Variants in DENND4A observed in about 807,000 individuals in gnomAD.
The protein encoded by DENND4A is C-myc promoter-binding protein.
DENND4A carries 70 observed loss-of-function variants against 199.3 expected under a neutral mutation model. That is an observed-to-expected ratio of 0.35 (90% confidence interval 0.29 to 0.43). The LOEUF is 0.43. DENND4A is among the 20% of genes least tolerant of loss of function. DENND4A has a pLI of 1.00. For synonymous variants in DENND4A, 686 were observed against 766.9 expected (o/e 0.89, Z 1.74); for missense variants, 1,723 against 2,255.8 (o/e 0.76, Z 4.78).
chr15:65,722,796 G>T, intron 12 of DENND4A, 52 bp downstream of exon 12: 1 of 1,316,106 alleles, frequency 7.6e-7, no homozygotes, highest in Non-Finnish European at 1.0e-6. Context: ...CAAAGTAATT[G>T]GAGTCCCTTT....
intron 5 of DENND4A, among the ~76,000 whole-genome samples, chr15:65,740,870 G>C (rs1210478861): frequency 6.6e-6 from 1 of 151,974 alleles, no homozygotes; most frequent in African/African-American, 2.4e-5. Context: ...ACTGAGGCAA[G>C]AGGATACCTT....
chr15:65,758,786 C>T (rs1295864941), intron 2 of DENND4A, among the ~76,000 whole-genome samples: 4 of 152,252 alleles, frequency 2.6e-5, no homozygotes, highest in South Asian at 2.1e-4. Flanking sequence ...GGTATACACA[C>T]TATAGGTCTC....
intron 12 of DENND4A, among the ~76,000 whole-genome samples, chr15:65,720,961 A>ATATATATATATATATATATATATATG (rs1567043927): frequency 1.6e-5 from 1 of 61,728 alleles, no homozygotes; most frequent in African/African-American, 5.4e-5. Context: ...ATATATATAT[A>ATATATATATATATATATATATATATG]TATATATATA....
At chr15:65,685,843 A>G (rs1338992062) in intron 23 of DENND4A, among the ~76,000 whole-genome samples, 2 of 152,366 alleles carry the variant, frequency 1.3e-5, no homozygotes, top group Admixed American at 6.5e-5. Context: ...AACCATAAAC[A>G]TAAGAGTTTA....
chr15:65,667,167 T>C (rs1184964959), intron 29 of DENND4A, among the ~76,000 whole-genome samples: 1 of 151,908 alleles, frequency 6.6e-6, no homozygotes, highest in Non-Finnish European at 1.5e-5. Flanking sequence ...CCGTCTCTAC[T>C]AAAAATACAA....
intron 12 of DENND4A, among the ~76,000 whole-genome samples, chr15:65,721,380 T>C (rs535303210): frequency 1.3e-5 from 2 of 152,222 alleles, no homozygotes; most frequent in East Asian, 3.9e-4. Context: ...AACTACACTA[T>C]ACACTATGAT....
At chr15:65,786,163 T>C (rs376237251) in intron 1 of DENND4A, among the ~76,000 whole-genome samples, 17 of 152,198 alleles carry the variant, frequency 1.1e-4, no homozygotes, top group African/African-American at 4.1e-4. Context: ...TTATAATAGA[T>C]AAAAAATGAA....
rs1227058024 is a variant in DENND4A at position 65,690,943 on chromosome 15, CA to C, written c.3650del (p.Leu1217TrpfsTer32). ...VATGFDPLSLLVAETEQQQKE... is the reference protein window; with the variant it reads ...VATGFDPLSLXVAETEQQQKE... ...TTTGCTGCTGTTCAGTCTCAGCAAC[CA>C]AAAGAGAGAGGGGATCAAATCCTGT... On this transcript the variant is annotated frameshift_variant, in exon 23 of 33. Transcript: ENST00000443035. LOFTEE classifies it high-confidence loss of function. 1 of 1,602,812 alleles carries C rather than the reference CA, an allele frequency of 6.2e-7. No individual in the cohort carries two copies. Among genetic ancestry groups the C allele is most frequent in the Non-Finnish European group, 8.5e-7 (1 of 1,174,070 alleles).
At chr15:65,674,374 A>G (rs2076306435) in intron 24 of DENND4A, among the ~76,000 whole-genome samples, 1 of 152,228 alleles carries the variant, frequency 6.6e-6, no homozygotes, top group Non-Finnish European at 1.5e-5. Flanking sequence ...GTGACTAGAC[A>G]TGGGCACGAG....
Position 65,703,069 on chromosome 15 carries a change from A to G in DENND4A, c.2088-61T>C, listed in dbSNP as rs1052064418. On this transcript the variant is annotated intron_variant, in intron 15 of 32. Coordinates refer to ENST00000443035, the MANE Select transcript of DENND4A (RefSeq NM_001320835.1). Reference sequence around the variant, plus strand: ...TTCTCAAGCACACATAGATGATCATAGTGGTTACAGGTTAATATAATTACG... The same window carrying G: ...TTCTCAAGCACACATAGATGATCATGGTGGTTACAGGTTAATATAATTACG... The G allele has an allele frequency of 1.1e-5, 16 of 1,488,548 alleles. No individual in the cohort carries two copies. The Admixed American group carries it at 3.1e-4, about 29-fold the overall frequency. The allele number at this position is 1,488,548 out of a possible 1,614,324, so 92.2% of individuals were successfully genotyped here. A position where few individuals can be genotyped will look rare whatever the true frequency, so the allele number is the denominator to read the frequency against.
At chr15:65,684,691 A>G (rs62014385) in intron 23 of DENND4A, among the ~76,000 whole-genome samples, 1 of 152,118 alleles carries the variant, frequency 6.6e-6, no homozygotes, top group South Asian at 2.1e-4. Flanking sequence ...TGGATCACAA[A>G]AGTCTTCAAT....
intron 22 of DENND4A, among the ~76,000 whole-genome samples, chr15:65,693,601 A>T (rs2142096389): frequency 6.6e-6 from 1 of 151,346 alleles, no homozygotes. Context: ...TTCTGCTTGG[A>T]ATGCACCCTC....
At chr15:65,701,643 A>G in intron 18 of DENND4A, 119 bp downstream of exon 18, 1 of 918,310 alleles carries the variant, frequency 1.1e-6, no homozygotes, top group East Asian at 2.7e-5. Context: ...TGATTGACAA[A>G]ATGTATTTTA....
intron 14 of DENND4A, among the ~76,000 whole-genome samples, chr15:65,710,139 G>T (rs755970708): frequency 6.6e-6 from 1 of 152,060 alleles, no homozygotes; most frequent in African/African-American, 2.4e-5. Context: ...TCCTTAGGAC[G>T]TAATACCCTA....
At chr15:65,663,198 A>ATTTTTTTTTTTT (rs139708249) in intron 32 of DENND4A, among the ~76,000 whole-genome samples, 1 of 112,348 alleles carries the variant, frequency 8.9e-6, no homozygotes, top group African/African-American at 3.7e-5. Context: ...ATATATATAT[A>ATTTTTTTTTTTT]TTTTTTTTTT....
intron 30 of DENND4A, 181 bp from the exon 31 acceptor site, chr15:65,664,903 A>G: frequency 3.5e-6 from 2 of 569,332 alleles, no homozygotes; most frequent in Non-Finnish European, 6.0e-6. Flanking sequence ...TGACAAAAAA[A>G]GGTCTAAAGC....
intron 22 of DENND4A, among the ~76,000 whole-genome samples, chr15:65,695,279 C>T (rs2077105589): frequency 6.6e-6 from 1 of 152,208 alleles, no homozygotes; most frequent in South Asian, 2.1e-4. Context: ...CTACTCAACT[C>T]TGCTGTTGCA....
chr15:65,756,506 T>A, intron 2 of DENND4A, 34 bp from the exon 3 acceptor site: 1 of 1,464,300 alleles, frequency 6.8e-7, no homozygotes, highest in African/African-American at 1.4e-5. Flanking sequence ...TACTCCCCTA[T>A]AATAAGCAAA....
At chr15:65,715,793 A>G (rs1029058899) in intron 13 of DENND4A, among the ~76,000 whole-genome samples, 170 bp from the exon 14 acceptor site, 1 of 152,162 alleles carries the variant, frequency 6.6e-6, no homozygotes, top group African/African-American at 2.4e-5. Flanking sequence ...GGAGAATAGT[A>G]ATAAAGGAAC....
Sources: allele counts gnomAD v4.1 joint callset (sites outside exome capture counted in the v4.1 genomes callset), GRCh38; gene constraint gnomAD v4.1.1; transcripts MANE v1.5; gene names NCBI Gene and HGNC (gene_info 2026-07-23, HGNC 2026-07-21).